The following PCDHA12 variants were observed in gnomAD, a reference collection of about 807,000 sequenced individuals.
The protein encoded by PCDHA12 is protocadherin alpha 12, also known as protocadherin alpha-12.
PCDHA12 carries 44 observed loss-of-function variants against 60.0 expected under a neutral mutation model. That is an observed-to-expected ratio of 0.73 (90% CI 0.58 to 0.94). The LOEUF is 0.94. Ranked by LOEUF, PCDHA12 falls within the 40% of genes least tolerant of loss-of-function variation. The pLI is 0.00. For missense variants in PCDHA12, 1,276 were observed against 1,239.7 expected (o/e 1.03, Z -0.44); for synonymous variants, 569 against 553.0 (o/e 1.03, Z -0.40).
At chr5:141,002,312 C>T (rs1171531371) in intron 3 of PCDHA12, among the ~76,000 whole-genome samples, 1 of 152,230 alleles carries the variant, frequency 6.6e-6, no homozygotes, top group East Asian at 1.9e-4. Flanking sequence ...GGGGCCGAAA[C>T]CTGGAGGCCG....
Position 140,980,736 on chromosome 5 carries a change from A to G in PCDHA12, c.2426+1729A>G, listed in dbSNP as rs1014210313. 6.6e-5 allele frequency among the ~76,000 whole-genome samples: 10 copies of G among 152,312 alleles called. No individual in the cohort carries two copies. The East Asian group carries it at 1.9e-3, about 29-fold the overall frequency. ...TTCGGGTTTCAATTAAGATATTATG[A>G]GATTTGAGTAGGGTAAGAAATAAAA... On this transcript the variant is annotated intron_variant, in intron 2 of 3. Transcript: ENST00000398631.
chr5:140,946,199 A>G (rs1300104764), intron 1 of PCDHA12, among the ~76,000 whole-genome samples: 10 of 151,964 alleles, frequency 6.6e-5, no homozygotes, highest in Admixed American at 5.2e-4. Context: ...CTCAAAAGAA[A>G]GCACACAAAT....
At chr5:140,911,474 C>T (rs782702993) in intron 1 of PCDHA12, among the ~76,000 whole-genome samples, 45 of 152,144 alleles carry the variant, frequency 3.0e-4, no homozygotes, top group Non-Finnish European at 2.8e-4. Flanking sequence ...ATAAGACTCT[C>T]ACTCAGGGCA....
At chr5:140,971,630 C>A (rs1281130153) in intron 1 of PCDHA12, among the ~76,000 whole-genome samples, 1 of 151,972 alleles carries the variant, frequency 6.6e-6, no homozygotes, top group Non-Finnish European at 1.5e-5. Context: ...ACAATTAGTA[C>A]CATGTGCCTA....
In PCDHA12 at chr5:140,949,013, T is replaced by C. The variant is rs541040709; in HGVS notation, c.2368-29936T>C. Among the ~76,000 whole-genome samples, 141 of 151,862 alleles carry C rather than the reference T, an allele frequency of 9.3e-4. No homozygotes were observed. In the Middle Eastern group the frequency reaches 0.01, roughly 11 times the overall value. On this transcript the variant is annotated intron_variant, in intron 1 of 3. Transcript: ENST00000398631. ...GCATTTTACTAATTTTTATATGTGATGTTTTTATTTTTATTCATTTAAAAG... is the reference window on the plus strand; with the variant it reads ...GCATTTTACTAATTTTTATATGTGACGTTTTTATTTTTATTCATTTAAAAG...
At chr5:140,914,023 G>A (rs1434570010) in intron 1 of PCDHA12, among the ~76,000 whole-genome samples, 5 of 152,112 alleles carry the variant, frequency 3.3e-5, no homozygotes, top group African/African-American at 7.2e-5. Context: ...AATGATCCAC[G>A]TGCTGAGAAG....
chr5:140,960,740 C>T (rs949372581), intron 1 of PCDHA12, among the ~76,000 whole-genome samples: 1 of 151,868 alleles, frequency 6.6e-6, no homozygotes, highest in South Asian at 2.1e-4. Flanking sequence ...GATTTTAGTC[C>T]ATGGCTAAAA....
chr5:140,933,211 CTG>C (rs1491057503), intron 1 of PCDHA12, among the ~76,000 whole-genome samples: 2 of 151,532 alleles, frequency 1.3e-5, no homozygotes, highest in Non-Finnish European at 3.0e-5. Context: ...AATTACATGT[CTG>C]TTATATTGCA....
chr5:140,935,388 T>C (rs2090344079), intron 1 of PCDHA12, among the ~76,000 whole-genome samples: 1 of 152,240 alleles, frequency 6.6e-6, no homozygotes, highest in African/African-American at 2.4e-5. Context: ...TCATTTGTTA[T>C]CCCACGGGAC....
At chr5:140,927,403 C>T (rs1276847771) in intron 1 of PCDHA12, 1 of 1,614,146 alleles carries the variant, frequency 6.2e-7, no homozygotes, top group Non-Finnish European at 8.5e-7. Context: ...GCACTTTCGC[C>T]TGGACATGGG....
At chr5:140,993,621 A>G (rs531527051) in intron 3 of PCDHA12, among the ~76,000 whole-genome samples, 7 of 152,190 alleles carry the variant, frequency 4.6e-5, no homozygotes, top group African/African-American at 1.7e-4. Flanking sequence ...GGGACCCTCT[A>G]TATATAGTCG....
At chr5:141,005,527 C>A (rs1448254191) in intron 3 of PCDHA12, among the ~76,000 whole-genome samples, 1 of 151,230 alleles carries the variant, frequency 6.6e-6, no homozygotes, top group Non-Finnish European at 1.5e-5. Context: ...CACGGTGAAA[C>A]CCCGTCTCTA....
At chr5:140,962,667 C>T (rs576054969) in intron 1 of PCDHA12, among the ~76,000 whole-genome samples, 1 of 152,272 alleles carries the variant, frequency 6.6e-6, no homozygotes, top group East Asian at 1.9e-4. Flanking sequence ...TTCATCTTCC[C>T]ATCCACTGGA....
chr5:140,883,555 C>T, intron 1 of PCDHA12: 3 of 1,614,168 alleles, frequency 1.9e-6, no homozygotes, highest in Non-Finnish European at 2.5e-6. Context: ...CCGCGCGGGA[C>T]GGGGGCTCGC....
intron 1 of PCDHA12, among the ~76,000 whole-genome samples, chr5:140,926,042 T>A (rs1316278838): frequency 2.0e-5 from 3 of 152,148 alleles, no homozygotes; most frequent in African/African-American, 7.2e-5. Context: ...CGGACACTAT[T>A]CCCCAACCTT....
At chr5:140,908,185 G>C (rs1399259532) in intron 1 of PCDHA12, among the ~76,000 whole-genome samples, 1 of 152,148 alleles carries the variant, frequency 6.6e-6, no homozygotes, top group East Asian at 1.9e-4. Flanking sequence ...TCCACTTTCA[G>C]GTGGTGGACA....
At position 140,876,415 on chromosome 5, in the gene PCDHA12, G is replaced by A. The variant is rs782679956; in HGVS notation, c.943G>A (p.Ala315Thr). 1 of 1,613,960 alleles carries A rather than the reference G, an allele frequency of 6.2e-7. No individual in the cohort carries two copies. Residue 315 changes from alanine (A) to threonine (T), a missense_variant, in exon 1 of 4, where the codon GCC (alanine) becomes ACC (threonine). By Grantham distance (58) the Ala-to-Thr change is moderately conservative. Transcript: ENST00000398631. The stretch of plus-strand genomic sequence containing the variant: ...TGAACTGGATTTTGAAGAGAATAAT[G>A]CCTATGAAATTCAGGTTAACGCCAT... ...YGELDFEENN[A>T]YEIQVNAIDK...
chr5:140,909,280 T>C (rs1353122604), intron 1 of PCDHA12, among the ~76,000 whole-genome samples: 3 of 152,212 alleles, frequency 2.0e-5, no homozygotes, highest in African/African-American at 7.2e-5. Flanking sequence ...TTGCTTCTGG[T>C]GGGCCTTATG....
chr5:140,890,931 C>T (rs2062870447), intron 1 of PCDHA12, among the ~76,000 whole-genome samples: 1 of 152,090 alleles, frequency 6.6e-6, no homozygotes, highest in Admixed American at 6.6e-5. Context: ...TTCCTTTAGT[C>T]CAAAGATGCT....
Sources: gnomAD v4.1 joint callset for allele counts (sites outside exome capture counted in the v4.1 genomes callset) on GRCh38, gnomAD v4.1.1 for gene constraint, MANE v1.5 for transcripts, NCBI Gene and HGNC (gene_info 2026-07-23, HGNC 2026-07-21) for gene names.